Variants in CLEC16A observed in about 807,000 individuals in gnomAD.
CLEC16A encodes protein CLEC16A.
Under a neutral mutation model 109.5 loss-of-function variants are expected in CLEC16A, and 51 were observed. The ratio of observed to expected loss-of-function variants is 0.47; its 90% CI spans 0.37 to 0.59. The LOEUF (loss-of-function observed/expected upper bound fraction) is 0.59. CLEC16A is among the 20% of genes least tolerant of loss of function. The pLI is 0.00. For missense variants in CLEC16A, 1,339 were observed against 1,394.0 expected, an observed-to-expected ratio of 0.96 and a Z score of 0.63; for synonymous variants, 673 against 564.2, an observed-to-expected ratio of 1.19 and a Z score of -2.73.
At chr16:11,172,770 T>G (rs563546295) in intron 23 of CLEC16A, among the ~76,000 whole-genome samples, 1 of 152,140 alleles carries the variant, frequency 6.6e-6, no homozygotes, top group Non-Finnish European at 1.5e-5. Context: ...GCGTCTGTAA[T>G]CCCAGCTACT....
chr16:11,119,378 T>G (rs758325420), intron 19 of CLEC16A, among the ~76,000 whole-genome samples: 1 of 152,218 alleles, frequency 6.6e-6, no homozygotes, highest in Non-Finnish European at 1.5e-5. Context: ...GGTAGTGTGA[T>G]GCTTCCAGCT....
intron 2 of CLEC16A, 62 bp from the exon 3 acceptor site, chr16:10,962,393 A>G: frequency 6.3e-7 from 1 of 1,600,000 alleles, no homozygotes; most frequent in South Asian, 1.1e-5. Context: ...ATGAAACCAG[A>G]TAATAATTTC....
At chr16:11,051,032 C>G (rs943583761) in intron 17 of CLEC16A, among the ~76,000 whole-genome samples, 1 of 152,182 alleles carries the variant, frequency 6.6e-6, no homozygotes, top group African/African-American at 2.4e-5. Context: ...AAGTGGGAAG[C>G]AGCTCCTCAA....
chr16:11,153,961 A>G (rs901706700), intron 22 of CLEC16A, among the ~76,000 whole-genome samples: 1 of 152,154 alleles, frequency 6.6e-6, no homozygotes. Context: ...ATCTGTCAAG[A>G]AGACACACAC....
At chr16:11,116,887 T>C (rs1567341664) in intron 19 of CLEC16A, among the ~76,000 whole-genome samples, 1 of 152,160 alleles carries the variant, frequency 6.6e-6, no homozygotes, top group Non-Finnish European at 1.5e-5. Flanking sequence ...ATAAATATAC[T>C]AAAACTCAGC....
At chr16:11,070,608 C>T (rs1279467041) in intron 19 of CLEC16A, 1 of 152,220 alleles carries the variant, frequency 6.6e-6, no homozygotes, top group Non-Finnish European at 1.5e-5. Flanking sequence ...GAACTGTCTT[C>T]CTTTTAAACG....
intron 22 of CLEC16A, among the ~76,000 whole-genome samples, chr16:11,163,118 G>A (rs960521534): frequency 6.6e-6 from 1 of 152,224 alleles, no homozygotes; most frequent in East Asian, 1.9e-4. Flanking sequence ...TGGCACCTCT[G>A]CCAAAGCTAG....
intron 22 of CLEC16A, among the ~76,000 whole-genome samples, chr16:11,137,661 T>A (rs1298056225): frequency 6.9e-6 from 1 of 144,064 alleles, no homozygotes; most frequent in Non-Finnish European, 1.5e-5. Flanking sequence ...ATACAAAAAG[T>A]AGCCGGGCGT....
At chr16:11,126,414 T>G in intron 22 of CLEC16A, 2 of 1,420,636 alleles carry the variant, frequency 1.4e-6, no homozygotes, top group Non-Finnish European at 1.8e-6. Context: ...CTAAGAATTT[T>G]CTTGGAAATT....
intron 22 of CLEC16A, among the ~76,000 whole-genome samples, chr16:11,131,868 G>T (rs74342066): frequency 2.0e-5 from 3 of 152,040 alleles, no homozygotes; most frequent in Non-Finnish European, 4.4e-5. Context: ...CCCTTCAGCC[G>T]CACTGGCTGG....
intron 19 of CLEC16A, among the ~76,000 whole-genome samples, chr16:11,118,851 G>C (rs6498162): frequency 6.6e-6 from 1 of 151,990 alleles, no homozygotes; most frequent in Non-Finnish European, 1.5e-5. Flanking sequence ...ATTCTTCTGC[G>C]TATGGCTGTC....
At chr16:11,144,378 G>C (rs1163086836) in intron 22 of CLEC16A, among the ~76,000 whole-genome samples, 1 of 152,138 alleles carries the variant, frequency 6.6e-6, no homozygotes, top group Admixed American at 6.5e-5. Flanking sequence ...CAGGCAGACA[G>C]CTGTGTTCAT....
chr16:11,178,570 C>A lies in CLEC16A; in HGVS notation c.3042C>A (p.Asp1014Glu). ...CGCTGACCCTTGTCCCCCCAGTTGA[C>A]CCCCACAGCCTCCGCAGCCTCACCG... is the stretch of plus-strand genomic sequence containing the variant. Reference protein sequence around the residue: ...VESLTLVPPVDPHSLRSLTGM... With the variant: ...VESLTLVPPVEPHSLRSLTGM... The change falls in exon 24 of 24, where the codon GAC becomes GAA. Residue 1014 changes from aspartate to glutamate, a missense_variant. Coordinates refer to ENST00000409790, the MANE Select transcript of CLEC16A (RefSeq NM_015226.3). The surrounding 1 kb of genome is among the most constrained non-coding windows in gnomAD (Gnocchi z 6.5). 6.2e-7 allele frequency: 1 copy of A among 1,611,656 alleles called. No individual in the cohort carries two copies. The highest frequency in any genetic ancestry group is 8.5e-7 in the Non-Finnish European group (1 of 1,179,764).
intron 19 of CLEC16A, among the ~76,000 whole-genome samples, chr16:11,071,279 A>G (rs1443444371): frequency 6.6e-6 from 1 of 152,214 alleles, no homozygotes; most frequent in Non-Finnish European, 1.5e-5. Context: ...AGGCATTGTC[A>G]TGTGCCTCTC....
chr16:11,052,622 C>T (rs2048008297), intron 18 of CLEC16A, among the ~76,000 whole-genome samples: 2 of 152,188 alleles, frequency 1.3e-5, no homozygotes, highest in Non-Finnish European at 2.9e-5. Context: ...CGCCTTCCTT[C>T]CATGTCCTCC....
intron 16 of CLEC16A, among the ~76,000 whole-genome samples, chr16:11,044,463 T>G (rs978565182): frequency 3.3e-5 from 5 of 152,240 alleles, no homozygotes; most frequent in African/African-American, 1.2e-4. Flanking sequence ...GAATTACATA[T>G]GAATTTATGA....
At chr16:10,951,980 C>T (rs1223540506) in intron 1 of CLEC16A, among the ~76,000 whole-genome samples, 1 of 152,122 alleles carries the variant, frequency 6.6e-6, no homozygotes, top group African/African-American at 2.4e-5. Flanking sequence ...AAAAAAAGTG[C>T]TTTTGTTTTA....
intron 11 of CLEC16A, among the ~76,000 whole-genome samples, chr16:11,015,000 A>G (rs972484212): frequency 6.6e-6 from 1 of 152,108 alleles, no homozygotes; most frequent in Admixed American, 6.6e-5. Context: ...TCCCCCAAAA[A>G]CCTGCTACCA....
chr16:11,060,102 T>A (rs1487925873), intron 18 of CLEC16A, among the ~76,000 whole-genome samples: 1 of 152,170 alleles, frequency 6.6e-6, no homozygotes, highest in Admixed American at 6.5e-5. Flanking sequence ...TTGTTTCTGC[T>A]CTCTGAAAGT....
Sources: gnomAD v4.1 joint callset for allele counts (sites outside exome capture counted in the v4.1 genomes callset) on GRCh38, gnomAD v4.1.1 for gene constraint, Gnocchi (gnomAD v3.1) non-coding constraint, MANE v1.5 for transcripts, NCBI Gene and HGNC (gene_info 2026-07-23, HGNC 2026-07-21) for gene names.